The following DOP1A variants were observed in gnomAD, a reference collection of about 807,000 sequenced individuals.
DOP1A encodes DOP1 leucine zipper like protein A.
DOP1A carries 90 observed loss-of-function variants against 267.6 expected under a neutral mutation model. The observed-to-expected ratio is 0.34, with a 90% CI of 0.28 to 0.40. The LOEUF (loss-of-function observed/expected upper bound fraction) is 0.40, where lower values mean the gene tolerates loss of function less well. Among genes scored for constraint, DOP1A ranks in the 10% least tolerant of loss-of-function variants. The probability of loss-of-function intolerance (pLI) is 1.00; values close to 1 mark genes in which losing one functional copy is unlikely to be tolerated. For missense variants in DOP1A, 2,437 were observed against 2,900.4 expected (o/e 0.84, Z 3.67); for synonymous variants, 932 against 999.1 (o/e 0.93, Z 1.27).
At chr6:83,117,868 A>G (rs926183548) in intron 7 of DOP1A, among the ~76,000 whole-genome samples, 3 of 152,192 alleles carry the variant, frequency 2.0e-5, no homozygotes, top group East Asian at 1.9e-4. Context: ...TAATTCGTCA[A>G]TTGTTGGTGA....
intron 21 of DOP1A, among the ~76,000 whole-genome samples, chr6:83,139,594 A>T (rs1331980095): frequency 6.6e-6 from 1 of 152,174 alleles, no homozygotes; most frequent in Non-Finnish European, 1.5e-5. Flanking sequence ...ACAAAATTCG[A>T]TCTGAGTCTC....
chr6:83,123,186 T>G (rs1776620899), intron 12 of DOP1A, among the ~76,000 whole-genome samples: 2 of 152,038 alleles, frequency 1.3e-5, no homozygotes. Context: ...GAAGGGAGTT[T>G]AGAGATCAGT....
intron 7 of DOP1A, among the ~76,000 whole-genome samples, chr6:83,117,552 A>C (rs1775663692): frequency 6.6e-6 from 1 of 152,190 alleles, no homozygotes; most frequent in Non-Finnish European, 1.5e-5. Flanking sequence ...CTGCAAGTAC[A>C]TGGCTGTGAA....
chr6:83,098,265 G>A (rs1332816198), intron 3 of DOP1A, among the ~76,000 whole-genome samples: 3 of 152,180 alleles, frequency 2.0e-5, no homozygotes, highest in African/African-American at 4.8e-5. Flanking sequence ...AGAAAACACA[G>A]ATAGTTTTTC....
intron 1 of DOP1A, among the ~76,000 whole-genome samples, chr6:83,071,503 C>G (rs761482505): frequency 6.6e-6 from 1 of 152,092 alleles, no homozygotes; most frequent in African/African-American, 2.4e-5. Flanking sequence ...CCACTGTGTC[C>G]GGCCCCTCCT....
rs1322279312 is a variant in DOP1A, at chr6:83,124,780, C to G, written c.1416C>G (p.Phe472Leu). ...CATCTGAATTACAGCTGACCAATTTCTGCTTACTGGTGGATTTTTTGTTGG... is the reference window on the plus strand; with the variant it reads ...CATCTGAATTACAGCTGACCAATTTGTGCTTACTGGTGGATTTTTTGTTGG... ...NDSSELQLTN[F>L]CLLVDFLLDI... is the part of the protein sequence containing the mutation. The change falls in exon 13 of 39, where the codon TTC becomes TTG. Residue 472 changes from phenylalanine to leucine, a missense_variant. Around this residue, in one of 9 missense-constraint regions of DOP1A, gnomAD observed 498 missense variants for 513.5 expected, o/e 0.97. Transcript: ENST00000349129. 2.5e-6 allele frequency: 4 copies of G among 1,613,294 alleles called. No individual in the cohort carries two copies. Among genetic ancestry groups the G allele is most frequent in the Non-Finnish European group, 3.4e-6 (4 of 1,179,580 alleles).
At chr6:83,088,350 C>G (rs1422199887) in intron 1 of DOP1A, among the ~76,000 whole-genome samples, 4 of 150,518 alleles carry the variant, frequency 2.7e-5, no homozygotes, top group Non-Finnish European at 5.9e-5. Flanking sequence ...TAGGGAAGTA[C>G]AGAGCATCAG....
chr6:83,112,633 T>G (rs1480511599), intron 6 of DOP1A, among the ~76,000 whole-genome samples: 2 of 151,960 alleles, frequency 1.3e-5, no homozygotes, highest in African/African-American at 4.8e-5. Context: ...CCCAGCTAAT[T>G]TTTGTGTTTT....
At chr6:83,146,476 G>A (rs538000353) in intron 25 of DOP1A, among the ~76,000 whole-genome samples, 2 of 152,184 alleles carry the variant, frequency 1.3e-5, no homozygotes, top group South Asian at 4.1e-4. Context: ...TTTGTCATAG[G>A]ATTTTTAGTT....
chr6:83,120,570 A>G (rs1168508297), intron 9 of DOP1A, 113 bp from the exon 10 acceptor site: 2 of 738,526 alleles, frequency 2.7e-6, no homozygotes, highest in Non-Finnish European at 3.9e-6. Context: ...CAGAAAAGCA[A>G]TAGTGGGTAT....
chr6:83,091,323 A>T (rs1770354553), intron 1 of DOP1A, among the ~76,000 whole-genome samples: 1 of 152,170 alleles, frequency 6.6e-6, no homozygotes, highest in Non-Finnish European at 1.5e-5. Flanking sequence ...GTAATACTGC[A>T]GCTCTGCTGA....
At chr6:83,166,110 TAGA>T (rs1217626074) in intron 38 of DOP1A, 2 of 415,952 alleles carry the variant, frequency 4.8e-6, no homozygotes, top group African/African-American at 2.0e-5. Flanking sequence ...TATTGTTGCA[TAGA>T]ATAGAGAAAA....
rs1777639724 is a variant in DOP1A, at chr6:83,129,126, C to A, written c.1959C>A (p.Thr653=). 1 of 1,613,784 alleles carries A rather than the reference C, an allele frequency of 6.2e-7. No homozygotes were observed. The highest frequency in any genetic ancestry group is 1.7e-5 in the Admixed American group (1 of 59,972). ...TVGSEETIIQ[T]PSVVTQGTAT... is the part of the protein sequence containing the mutation. ...GATCTGAAGAAACCATCATCCAGAC[C>A]CCTTCCGTAGTCACTCAGGGGACAG... The change falls in exon 16 of 39, where the codon ACC becomes ACA. Residue 653 remains threonine (T), a synonymous_variant. Transcript: ENST00000349129.
At position 83,099,678 on chromosome 6, in the gene DOP1A, ATATGTG is replaced by A. The variant is rs150178679; in HGVS notation, c.139-1025_139-1020del. Among the ~76,000 whole-genome samples the A allele has an allele frequency of 8.0e-3, 1,085 of 136,020 alleles. 5 individuals are homozygous for A. Among genetic ancestry groups the A allele is most frequent in the Non-Finnish European group, 0.013 (852 of 64,480 alleles). 89.2% of individuals were successfully genotyped at this position (136,020 alleles called of 152,430 possible). A position where few individuals can be genotyped will look rare whatever the true frequency, so the allele number is the denominator to read the frequency against. On this transcript the variant is annotated intron_variant, in intron 3 of 38. Transcript: ENST00000349129. Reference sequence around the variant, plus strand: ...TGTGATAGAACAAGGCAAGGATTGCATATGTGTGTGTGTGTGTGTGTGTGTGTGTGT... The same window carrying A: ...TGTGATAGAACAAGGCAAGGATTGCATGTGTGTGTGTGTGTGTGTGTGTGT...
intron 1 of DOP1A, among the ~76,000 whole-genome samples, chr6:83,071,767 G>A (rs999556900): frequency 6.6e-6 from 1 of 152,078 alleles, no homozygotes; most frequent in African/African-American, 2.4e-5. Flanking sequence ...AATCAGATAT[G>A]TCTTTATTTT....
intron 1 of DOP1A, among the ~76,000 whole-genome samples, chr6:83,081,215 G>C (rs560612041): frequency 6.6e-6 from 1 of 152,280 alleles, no homozygotes; most frequent in South Asian, 2.1e-4. Context: ...TCTGCCTCCA[G>C]GTTCAAGCGA....
At chr6:83,126,647 G>A (rs1229838012) in intron 15 of DOP1A, among the ~76,000 whole-genome samples, 3 of 152,130 alleles carry the variant, frequency 2.0e-5, no homozygotes, top group Non-Finnish European at 4.4e-5. Context: ...GCTAAAGAAC[G>A]CTTTCTTGAG....
intron 4 of DOP1A, among the ~76,000 whole-genome samples, chr6:83,107,223 G>C (rs958268213): frequency 6.6e-6 from 1 of 151,998 alleles, no homozygotes; most frequent in Non-Finnish European, 1.5e-5. Context: ...AAAAAGCAAA[G>C]ATGTCAGTTC....
At chr6:83,070,531 A>G (rs931013198) in intron 1 of DOP1A, among the ~76,000 whole-genome samples, 1 of 152,184 alleles carries the variant, frequency 6.6e-6, no homozygotes. Context: ...CCGTGTAGCT[A>G]CCACCACAAT....
Sources: allele counts gnomAD v4.1 joint callset (sites outside exome capture counted in the v4.1 genomes callset), GRCh38; gene constraint gnomAD v4.1.1; regional missense constraint gnomAD v4.1.1; transcripts MANE v1.5; gene names NCBI Gene and HGNC (gene_info 2026-07-23, HGNC 2026-07-21).